TRMT9B: variants seen among roughly 807,000 people sequenced by gnomAD.
The protein encoded by TRMT9B is probable tRNA methyltransferase 9B.
TRMT9B carries 16 observed loss-of-function variants against 11.5 expected under a neutral mutation model. That is an observed-to-expected ratio of 1.39 (90% CI 0.94 to 2.11). The LOEUF is 2.11. Among genes scored for constraint, TRMT9B ranks in the 30% most tolerant of loss-of-function variants. The probability of loss-of-function intolerance (pLI) is 0.00; values close to 1 mark genes in which losing one functional copy is unlikely to be tolerated. For missense variants in TRMT9B, 941 were observed against 553.8 expected (o/e 1.70, Z -7.02); for synonymous variants, 274 against 192.4 (o/e 1.42, Z -3.51).
rs528098440 is a variant in TRMT9B at position 13,012,528 on chromosome 8, T to A, written c.155-156T>A. On this transcript the variant is annotated intron_variant, in intron 3 of 4. Transcript: ENST00000524591. ...AGGCAGAGGTTGCAGTGAACCGAGA[T>A]TGCGCCACTGCACTCCAGCCTGGGT... 52 of 945,648 alleles carry A rather than the reference T, an allele frequency of 5.5e-5. No homozygotes were observed. The South Asian group carries it at 8.3e-4, about 15-fold the overall frequency. The allele number at this position is 945,648 out of a possible 1,614,324, so 58.6% of individuals were successfully genotyped here. A position where few individuals can be genotyped will look rare whatever the true frequency, so the allele number is the denominator to read the frequency against.
intron 1 of TRMT9B, among the ~76,000 whole-genome samples, chr8:12,967,929 T>C (rs1312457225): frequency 6.6e-6 from 1 of 152,230 alleles, no homozygotes; most frequent in East Asian, 1.9e-4. Flanking sequence ...AGGCTCTTGC[T>C]CTGTTGCCCA....
intron 4 of TRMT9B, among the ~76,000 whole-genome samples, chr8:13,015,381 C>T: frequency 6.6e-6 from 1 of 151,948 alleles, no homozygotes; most frequent in East Asian, 1.9e-4. Context: ...AAAGTGAGAC[C>T]AATTTTTTTA....
At chr8:12,979,256 A>G (rs2128872256) in intron 1 of TRMT9B, among the ~76,000 whole-genome samples, 1 of 152,248 alleles carries the variant, frequency 6.6e-6, no homozygotes, top group Middle Eastern at 3.4e-3. Context: ...CAATGCCCTG[A>G]CTTTCGCATA....
intron 1 of TRMT9B, among the ~76,000 whole-genome samples, chr8:12,967,372 T>C (rs1245379023): frequency 6.6e-6 from 1 of 152,248 alleles, no homozygotes; most frequent in African/African-American, 2.4e-5. Context: ...AATCCTTTTC[T>C]GAACTACTAC....
intron 1 of TRMT9B, among the ~76,000 whole-genome samples, chr8:12,964,037 C>T (rs542853936): frequency 1.3e-5 from 2 of 152,158 alleles, no homozygotes; most frequent in South Asian, 4.1e-4. Flanking sequence ...CTGATCTTCT[C>T]GTACATGAAC....
intron 1 of TRMT9B, among the ~76,000 whole-genome samples, chr8:12,969,350 A>C (rs1215033655): frequency 6.6e-6 from 1 of 152,124 alleles, no homozygotes; most frequent in African/African-American, 2.4e-5. Context: ...ATGTTTCTGT[A>C]TTGTGTATAT....
intron 1 of TRMT9B, among the ~76,000 whole-genome samples, chr8:12,948,088 C>T (rs1017826178): frequency 6.6e-6 from 1 of 152,158 alleles, no homozygotes. Context: ...TCCTAATAAA[C>T]CCATTGTAAA....
chr8:12,969,767 G>T (rs947660837), intron 1 of TRMT9B, among the ~76,000 whole-genome samples: 2 of 151,726 alleles, frequency 1.3e-5, no homozygotes, highest in Non-Finnish European at 2.9e-5. Context: ...AAGTGCCTGG[G>T]CTCCAGGAAT....
At chr8:13,015,454 T>C (rs960888996) in intron 4 of TRMT9B, among the ~76,000 whole-genome samples, 1 of 152,042 alleles carries the variant, frequency 6.6e-6, no homozygotes, top group Non-Finnish European at 1.5e-5. Flanking sequence ...TGGTCTCAGG[T>C]TATCCTCCTG....
chr8:13,012,591 T>A (rs1337438029), intron 3 of TRMT9B, 93 bp from the exon 4 acceptor site: 2 of 1,424,428 alleles, frequency 1.4e-6, no homozygotes, highest in Non-Finnish European at 1.9e-6. Flanking sequence ...AATAAATAAA[T>A]AAAAGGTTAA....
intron 3 of TRMT9B, among the ~76,000 whole-genome samples, chr8:13,009,605 A>G (rs1474442802): frequency 6.6e-6 from 1 of 152,034 alleles, no homozygotes; most frequent in Non-Finnish European, 1.5e-5. Flanking sequence ...TGCCTGTGAG[A>G]GTGTGATGGG....
chr8:12,993,841 A>C (rs1007030140), intron 2 of TRMT9B, among the ~76,000 whole-genome samples: 1 of 152,220 alleles, frequency 6.6e-6, no homozygotes, highest in South Asian at 2.1e-4. Flanking sequence ...TCCTTTGGCT[A>C]TACATGTCAA....
rs558120471 is a variant in TRMT9B, at chr8:12,998,466, G to A, written c.-2+7435G>A. On this transcript the variant is annotated intron_variant, in intron 2 of 4. Transcript: ENST00000524591. ...TAGAGGACTCACTACAGGCAAAAGT[G>A]TGGTACAGAAAGAAACTCAAGATAG... Among the ~76,000 whole-genome samples, 4 of 152,336 alleles carry A rather than the reference G, an allele frequency of 2.6e-5. No individual in the cohort carries two copies. In the East Asian group the frequency reaches 7.7e-4, roughly 29 times the overall value.
intron 1 of TRMT9B, among the ~76,000 whole-genome samples, chr8:12,979,454 C>T (rs745900640): frequency 2.6e-5 from 4 of 151,100 alleles, no homozygotes; most frequent in African/African-American, 9.8e-5. Flanking sequence ...CCAGGCTGGG[C>T]GACAGGATAA....
At chr8:12,953,251 C>G (rs530150137) in intron 1 of TRMT9B, among the ~76,000 whole-genome samples, 1 of 151,982 alleles carries the variant, frequency 6.6e-6, no homozygotes, top group African/African-American at 2.4e-5. Flanking sequence ...ATACAGCTAA[C>G]CATTGGCATT....
intron 1 of TRMT9B, among the ~76,000 whole-genome samples, chr8:12,970,945 A>C (rs1803526114): frequency 6.6e-6 from 1 of 152,214 alleles, no homozygotes; most frequent in Admixed American, 6.5e-5. Flanking sequence ...GTCTTAAAAG[A>C]GGAGAGGCAC....
rs548493288 is a variant in TRMT9B, at chr8:13,029,637, T to C, written c.*7593T>C. On this transcript the variant is annotated 3_prime_UTR_variant, in exon 5 of 5. Transcript: ENST00000524591. ...ACTTCAACAGAACGGGGCAAGTTCG[T>C]ATTTGAATTCTGTTATATTTATCTA... is the stretch of plus-strand genomic sequence containing the variant. 1.2e-5 allele frequency: 2 copies of C among 160,622 alleles called. No homozygotes were observed. The highest frequency in any genetic ancestry group is 6.5e-5 in the Admixed American group (1 of 15,308). The allele number at this position is 160,622 out of a possible 1,614,324, so 9.9% of individuals were successfully genotyped here.
intron 4 of TRMT9B, among the ~76,000 whole-genome samples, chr8:13,017,849 C>A (rs1024227780): frequency 6.6e-6 from 1 of 151,388 alleles, no homozygotes; most frequent in Non-Finnish European, 1.5e-5. Context: ...GTCTTGAACC[C>A]CTGAGCTCAA....
At chr8:12,959,153 GA>G (rs1801708369) in intron 1 of TRMT9B, among the ~76,000 whole-genome samples, 1 of 152,104 alleles carries the variant, frequency 6.6e-6, no homozygotes, top group South Asian at 2.1e-4. Context: ...AGGGGACCAT[GA>G]ACTTCCTGGG....
Sources: allele counts gnomAD v4.1 joint callset (sites outside exome capture counted in the v4.1 genomes callset), GRCh38; gene constraint gnomAD v4.1.1; transcripts MANE v1.5; gene names NCBI Gene and HGNC (gene_info 2026-07-23, HGNC 2026-07-21).